The following TSC22D2 variants were observed in gnomAD, a reference collection of about 807,000 sequenced individuals.
TSC22D2 encodes the protein TSC22 domain family member 2.
TSC22D2 carries 5 observed loss-of-function variants against 50.1 expected under a neutral mutation model. That is an observed-to-expected ratio of 0.10 (90% CI 0.05 to 0.21). TSC22D2 has a LOEUF of 0.21. TSC22D2 is among the 10% of genes least tolerant of loss of function. TSC22D2 has a pLI of 1.00. For missense variants in TSC22D2, 1,003 were observed against 1,015.5 expected (o/e 0.99, Z 0.17); for synonymous variants, 501 against 450.1 (o/e 1.11, Z -1.43).
chr3:150,453,557 C>T (rs1447465960), intron 1 of TSC22D2, among the ~76,000 whole-genome samples: 14 of 152,172 alleles, frequency 9.2e-5, no homozygotes, highest in South Asian at 2.1e-4. Context: ...TACGGGGCCC[C>T]GCCCCAAGAG....
chr3:150,461,480 TTTTAA>T lies in TSC22D2; in HGVS notation c.*2849_*2853del, dbSNP rs1488490181. 1.3e-5 allele frequency: 2 copies of T among 152,326 alleles called. No homozygotes were observed. The highest frequency in any genetic ancestry group is 6.5e-5 in the Admixed American group (1 of 15,306). 9.4% of individuals were successfully genotyped at this position (152,326 alleles called of 1,614,324 possible). On this transcript the variant is annotated 3_prime_UTR_variant, in exon 3 of 3. Transcript: ENST00000688009. ...GCAAGGTCCCACATAAGCTTTTCTG[TTTTAA>T]TTTAGCCGGTAAATCATAAGTAGAA...
intron 1 of TSC22D2, among the ~76,000 whole-genome samples, chr3:150,455,266 A>C (rs1310542494): frequency 6.6e-6 from 1 of 152,198 alleles, no homozygotes; most frequent in African/African-American, 2.4e-5. Flanking sequence ...ACTGAAGTAT[A>C]TACTAAAGCG....
Position 150,421,922 on chromosome 3 carries a change from A to G in TSC22D2, c.1958+10614A>G, listed in dbSNP as rs574135188. ...AAAGAGGTCAAACTTTAACACTGCTATGTGTTTAGTGTAGTGGTTTAAGAG... is the reference window on the plus strand; with the variant it reads ...AAAGAGGTCAAACTTTAACACTGCTGTGTGTTTAGTGTAGTGGTTTAAGAG... On this transcript the variant is annotated intron_variant, in intron 1 of 2. Coordinates refer to ENST00000688009, the MANE Select transcript of TSC22D2 (RefSeq NM_001303264.2). Among the ~76,000 whole-genome samples, 39 of 152,336 alleles carry G rather than the reference A, an allele frequency of 2.6e-4. No individual in the cohort carries two copies. The South Asian group carries it at 4.8e-3, about 19-fold the overall frequency.
chr3:150,418,321 G>T (rs747927545), intron 1 of TSC22D2, among the ~76,000 whole-genome samples: 5 of 151,856 alleles, frequency 3.3e-5, no homozygotes, highest in Non-Finnish European at 7.4e-5. Flanking sequence ...GGTGGTGATG[G>T]AGTAATATAA....
chr3:150,426,050 A>G (rs997058732), intron 1 of TSC22D2, among the ~76,000 whole-genome samples: 1 of 152,174 alleles, frequency 6.6e-6, no homozygotes, highest in Non-Finnish European at 1.5e-5. Flanking sequence ...AGGTGCCATC[A>G]TGGTTTCTGT....
At chr3:150,420,634 C>T (rs557023483) in intron 1 of TSC22D2, among the ~76,000 whole-genome samples, 5 of 152,214 alleles carry the variant, frequency 3.3e-5, no homozygotes, top group Non-Finnish European at 7.3e-5. Flanking sequence ...GTTCGTTTTT[C>T]ACCTTTACAT....
intron 1 of TSC22D2, among the ~76,000 whole-genome samples, chr3:150,417,328 C>T (rs1719849726): frequency 6.6e-6 from 1 of 152,002 alleles, no homozygotes; most frequent in Non-Finnish European, 1.5e-5. Flanking sequence ...CCTCTAGTTT[C>T]TAAAGTAGAG....
intron 1 of TSC22D2, among the ~76,000 whole-genome samples, chr3:150,439,012 A>AT (rs1720634651): frequency 6.6e-6 from 1 of 152,100 alleles, no homozygotes; most frequent in Non-Finnish European, 1.5e-5. Context: ...ACACAGCTGT[A>AT]TTTTGTAGGG....
chr3:150,434,301 CCTG>C (rs1720470041), intron 1 of TSC22D2, among the ~76,000 whole-genome samples: 1 of 151,886 alleles, frequency 6.6e-6, no homozygotes, highest in East Asian at 1.9e-4. Flanking sequence ...ACCACCACGC[CCTG>C]CTAATTTTTG....
Position 150,411,048 on chromosome 3 carries a change from C to A in TSC22D2, c.1698C>A (p.His566Gln). ...GGCTGCCCTTAGCGCCAGGCACACA[C>A]AGCGCACCAACAAGTCTACCACAGT... is the stretch of plus-strand genomic sequence containing the variant. ...HVGLPLAPGT[H>Q]SAPTSLPQSD... Residue 566 changes from histidine to glutamine, a missense_variant, in exon 1 of 3, where the codon CAC (histidine) becomes CAA (glutamine). Coordinates refer to ENST00000688009, the MANE Select transcript of TSC22D2 (RefSeq NM_001303264.2). 6.2e-7 allele frequency: 1 copy of A among 1,614,226 alleles called. No individual in the cohort carries two copies. Among genetic ancestry groups the A allele is most frequent in the Non-Finnish European group, 8.5e-7 (1 of 1,180,052 alleles).
Position 150,463,859 on chromosome 3 carries a change from C to T in TSC22D2, c.*5223C>T, listed in dbSNP as rs1316151753. 6.6e-6 allele frequency: 1 copy of T among 152,136 alleles called. No individual in the cohort carries two copies. The highest frequency in any genetic ancestry group is 1.5e-5 in the Non-Finnish European group (1 of 68,048). The allele number at this position is 152,136 out of a possible 1,614,324, so 9.4% of individuals were successfully genotyped here. ...AGTCCATTTAGTTGTTGAATTTGTT[C>T]AGCATACCTGGATGGTGAGTGAGTT... is the stretch of plus-strand genomic sequence containing the variant. On this transcript the variant is annotated 3_prime_UTR_variant, in exon 3 of 3. Coordinates refer to ENST00000688009, the MANE Select transcript of TSC22D2 (RefSeq NM_001303264.2).
chr3:150,438,176 ATTTAC>A, intron 1 of TSC22D2: 1 of 386,640 alleles, frequency 2.6e-6, no homozygotes, highest in South Asian at 1.9e-5. Flanking sequence ...TAAAACATTT[ATTTAC>A]TTAAACTCTT....
At chr3:150,435,563 G>C (rs1023913312) in intron 1 of TSC22D2, among the ~76,000 whole-genome samples, 1 of 152,036 alleles carries the variant, frequency 6.6e-6, no homozygotes, top group African/African-American at 2.4e-5. Context: ...TTGAACAGCA[G>C]GTTGAAAATC....
Position 150,460,432 on chromosome 3 carries a change from G to A in TSC22D2, c.*1796G>A, listed in dbSNP as rs1012082708. 4.0e-5 allele frequency: 6 copies of A among 151,890 alleles called. No homozygotes were observed. The highest frequency in any genetic ancestry group is 8.8e-5 in the Non-Finnish European group (6 of 68,020). The allele number at this position is 151,890 out of a possible 1,614,324, so 9.4% of individuals were successfully genotyped here. On this transcript the variant is annotated 3_prime_UTR_variant, in exon 3 of 3. Coordinates refer to ENST00000688009, the MANE Select transcript of TSC22D2 (RefSeq NM_001303264.2). ...AATGAGAACCAGTAGTTAGTTCTCC[G>A]TGTTAAAAGACTTATTTGAAGTAAA...
Position 150,410,932 on chromosome 3 carries a change from A to T in TSC22D2, c.1582A>T (p.Met528Leu), listed in dbSNP as rs763981131. 1 of 1,614,062 alleles carries T rather than the reference A, an allele frequency of 6.2e-7. No individual in the cohort carries two copies. The highest frequency in any genetic ancestry group is 2.2e-5 in the East Asian group (1 of 44,878). ...TAGTGTGTCTACCACTTCTGTTACT[A>T]TGCCAAATGTACCCGCGCCTCTGGC... ...VPSVSTTSVT[M>L]PNVPAPLAQS... Residue 528 changes from methionine (M) to leucine (L), a missense_variant, in exon 1 of 3, where the codon ATG (methionine) becomes TTG (leucine). Physicochemically the swap from Met to Leu is conservative, Grantham distance 15. Around this residue, in one of 6 missense-constraint regions of TSC22D2, gnomAD observed 696 missense variants for 647.8 expected, o/e 1.07. Transcript: ENST00000688009.
At chr3:150,411,409 AT>A in intron 1 of TSC22D2, 101 bp downstream of exon 1, 1 of 1,267,462 alleles carries the variant, frequency 7.9e-7, no homozygotes, top group Non-Finnish European at 1.1e-6. Context: ...GGCCCTTAGC[AT>A]TTTTAAATAC....
chr3:150,465,232 T>C lies in TSC22D2; in HGVS notation c.*6596T>C, dbSNP rs1029028560. 1.3e-5 allele frequency: 2 copies of C among 152,218 alleles called. No individual in the cohort carries two copies. Among genetic ancestry groups the C allele is most frequent in the African/African-American group, 4.8e-5 (2 of 41,472 alleles). 9.4% of individuals were successfully genotyped at this position (152,218 alleles called of 1,614,324 possible). A position where few individuals can be genotyped will look rare whatever the true frequency, so the allele number is the denominator to read the frequency against. On this transcript the variant is annotated 3_prime_UTR_variant, in exon 3 of 3. Transcript: ENST00000688009. ...AGTCTTCTACTTTTTGGTTACTCCC[T>C]TTTAGAAATTGGAAGCTATGAAGCT... is the stretch of plus-strand genomic sequence containing the variant.
rs184173810 is a variant in TSC22D2 at position 150,435,469 on chromosome 3, C to G, written c.1959-21607C>G. Among the ~76,000 whole-genome samples, 360 of 152,230 alleles carry G rather than the reference C, an allele frequency of 2.4e-3. 3 individuals carry two copies. The highest frequency in any genetic ancestry group is 0.011 in the East Asian group (58 of 5,186). Reference sequence around the variant, plus strand: ...CATAAAGGGTTGCCCTGTTTCCCCCCTTTCTCCATTTAAAACTAAGTATTT... The same window carrying G: ...CATAAAGGGTTGCCCTGTTTCCCCCGTTTCTCCATTTAAAACTAAGTATTT... On this transcript the variant is annotated intron_variant, in intron 1 of 2. Coordinates refer to ENST00000688009, the MANE Select transcript of TSC22D2 (RefSeq NM_001303264.2).
chr3:150,412,785 A>G (rs1719640579), intron 1 of TSC22D2, among the ~76,000 whole-genome samples: 1 of 152,138 alleles, frequency 6.6e-6, no homozygotes, highest in South Asian at 2.1e-4. Context: ...AGTTGCTCCC[A>G]TTGTCACACA....
Sources: allele counts gnomAD v4.1 joint callset (sites outside exome capture counted in the v4.1 genomes callset), GRCh38; gene constraint gnomAD v4.1.1; regional missense constraint gnomAD v4.1.1; transcripts MANE v1.5; gene names NCBI Gene and HGNC (gene_info 2026-07-23, HGNC 2026-07-21).